Variants in NLK observed in about 807,000 individuals in gnomAD.
NLK encodes the protein serine/threonine-protein kinase NLK.
A neutral mutation model predicts 59.0 loss-of-function variants in NLK; 11 were observed. The ratio of observed to expected loss-of-function variants is 0.19; its 90% CI spans 0.12 to 0.31. The LOEUF (loss-of-function observed/expected upper bound fraction) is 0.31, where lower values mean the gene tolerates loss of function less well. Among genes scored for constraint, NLK ranks in the 10% least tolerant of loss-of-function variants. The pLI, the probability that NLK is intolerant of heterozygous loss-of-function variation, is 1.00. For synonymous variants in NLK, 235 were observed against 235.9 expected (o/e 1.00, Z 0.03); for missense variants, 410 against 661.1 (o/e 0.62, Z 4.16).
intron 7 of NLK, among the ~76,000 whole-genome samples, chr17:28,179,360 A>G (rs941056103): frequency 6.6e-6 from 1 of 152,002 alleles, no homozygotes; most frequent in South Asian, 2.1e-4. Context: ...CTCTCGAATA[A>G]CTGGGACTAC....
intron 1 of NLK, among the ~76,000 whole-genome samples, chr17:28,059,467 T>G (rs1909555139): frequency 6.6e-6 from 1 of 152,200 alleles, no homozygotes; most frequent in Admixed American, 6.5e-5. Flanking sequence ...AATACCCTTT[T>G]CTTTGCAGTA....
chr17:28,162,927 A>AAAAG (rs532768632), intron 4 of NLK, among the ~76,000 whole-genome samples: 2,518 of 151,918 alleles, frequency 0.017, 81 homozygotes, highest in African/African-American at 0.058. Flanking sequence ...TCAAAAAAAA[A>AAAAG]AAAGAAAAGA....
At chr17:28,062,418 T>C in intron 1 of NLK, among the ~76,000 whole-genome samples, 1 of 152,248 alleles carries the variant, frequency 6.6e-6, no homozygotes, top group East Asian at 1.9e-4. Context: ...AAAATGACTG[T>C]ATAGATTTTT....
chr17:28,090,006 C>G (rs1465893631), intron 1 of NLK, among the ~76,000 whole-genome samples: 3 of 152,060 alleles, frequency 2.0e-5, no homozygotes, highest in Non-Finnish European at 4.4e-5. Flanking sequence ...GTCTTTGTAA[C>G]AGTGTCTTTT....
rs1214691897 is a variant in NLK, at chr17:28,153,572, T to C, written c.645-7588T>C. Among the ~76,000 whole-genome samples, 3 of 152,240 alleles carry C rather than the reference T, an allele frequency of 2.0e-5. No individual in the cohort carries two copies. The East Asian group carries it at 5.8e-4, about 29-fold the overall frequency. On this transcript the variant is annotated intron_variant, in intron 3 of 10. Coordinates refer to ENST00000407008, the MANE Select transcript of NLK (RefSeq NM_016231.5). ...AAAGGTCCCACCTCTTAATCACATCTATTTGGGGGTTAGCATTTCAACCTA... is the reference window on the plus strand; with the variant it reads ...AAAGGTCCCACCTCTTAATCACATCCATTTGGGGGTTAGCATTTCAACCTA...
chr17:28,108,342 T>C (rs1025724846), intron 1 of NLK, among the ~76,000 whole-genome samples: 1 of 152,174 alleles, frequency 6.6e-6, no homozygotes, highest in Non-Finnish European at 1.5e-5. Flanking sequence ...AGTAAAGGCA[T>C]CTTCTGTTAA....
chr17:28,166,218 AT>A (rs1240369155), intron 5 of NLK, among the ~76,000 whole-genome samples: 3 of 150,532 alleles, frequency 2.0e-5, no homozygotes, highest in African/African-American at 7.3e-5. Flanking sequence ...GTCTCAAAAA[AT>A]ATATATATAT....
intron 3 of NLK, among the ~76,000 whole-genome samples, chr17:28,160,351 G>T (rs1034448899): frequency 6.6e-6 from 1 of 152,142 alleles, no homozygotes; most frequent in Non-Finnish European, 1.5e-5. Context: ...TTTCCTACTT[G>T]TTTTTGCTAA....
chr17:28,080,367 C>T (rs1032269357), intron 1 of NLK, among the ~76,000 whole-genome samples: 1 of 152,048 alleles, frequency 6.6e-6, no homozygotes, highest in Non-Finnish European at 1.5e-5. Context: ...ATTGCTTGAG[C>T]CCAGGAGTTC....
intron 3 of NLK, among the ~76,000 whole-genome samples, chr17:28,144,849 G>A (rs1907174681): frequency 6.6e-6 from 1 of 152,116 alleles, no homozygotes; most frequent in South Asian, 2.1e-4. Context: ...AATCAGTGGG[G>A]CTTTTAGGCA....
intron 1 of NLK, among the ~76,000 whole-genome samples, chr17:28,107,388 C>A (rs939882981): frequency 1.3e-5 from 2 of 151,594 alleles, no homozygotes; most frequent in African/African-American, 4.8e-5. Flanking sequence ...TGAGCCAAGA[C>A]CACACCATTG....
chr17:28,051,550 G>A (rs1276966046), intron 1 of NLK, among the ~76,000 whole-genome samples: 5 of 151,694 alleles, frequency 3.3e-5, no homozygotes, highest in Non-Finnish European at 7.4e-5. Flanking sequence ...GTAGAGACGG[G>A]GTTTCACCAT....
At chr17:28,104,756 G>C (rs1451839225) in intron 1 of NLK, among the ~76,000 whole-genome samples, 3 of 152,142 alleles carry the variant, frequency 2.0e-5, no homozygotes, top group Admixed American at 1.3e-4. Flanking sequence ...TTTGGTAAAA[G>C]GGGATAATAA....
At chr17:28,059,860 C>T (rs991187433) in intron 1 of NLK, among the ~76,000 whole-genome samples, 7 of 152,180 alleles carry the variant, frequency 4.6e-5, no homozygotes, top group East Asian at 1.9e-4. Context: ...TGCACTAGCA[C>T]GCCCTTATAT....
At position 28,051,483 on chromosome 17, in the gene NLK, C is replaced by G. The variant is rs576782464; in HGVS notation, c.458+8152C>G. ...AAGGGATTCTCCTGCCTCAGCCTCCCGAGTAGCTGGGATTACAGGCACGTG... is the reference window on the plus strand; with the variant it reads ...AAGGGATTCTCCTGCCTCAGCCTCCGGAGTAGCTGGGATTACAGGCACGTG... On this transcript the variant is annotated intron_variant, in intron 1 of 10. Transcript: ENST00000407008. Among the ~76,000 whole-genome samples, 12 of 151,706 alleles carry G rather than the reference C, an allele frequency of 7.9e-5. 1 individual carries two copies. The highest frequency in any genetic ancestry group is 3.9e-4 in the Admixed American group (6 of 15,234).
At chr17:28,111,109 G>A (rs1905455530) in intron 1 of NLK, among the ~76,000 whole-genome samples, 1 of 152,098 alleles carries the variant, frequency 6.6e-6, no homozygotes. Flanking sequence ...AATTCTTTGA[G>A]CATATTTACG....
At chr17:28,131,966 A>G (rs916286192) in intron 2 of NLK, among the ~76,000 whole-genome samples, 1 of 152,090 alleles carries the variant, frequency 6.6e-6, no homozygotes, top group African/African-American at 2.4e-5. Flanking sequence ...TCTATATTCA[A>G]TAAGCACTGG....
chr17:28,115,514 T>C (rs1456255382), intron 1 of NLK, among the ~76,000 whole-genome samples: 1 of 152,246 alleles, frequency 6.6e-6, no homozygotes, highest in Non-Finnish European at 1.5e-5. Context: ...CATCTGTCTT[T>C]GTACCAATAT....
intron 1 of NLK, among the ~76,000 whole-genome samples, chr17:28,113,092 A>C (rs1261449795): frequency 6.6e-6 from 1 of 152,206 alleles, no homozygotes; most frequent in Non-Finnish European, 1.5e-5. Context: ...TTTAAGCTAA[A>C]ATTTTTTGTG....
Sources: allele counts gnomAD v4.1 joint callset (sites outside exome capture counted in the v4.1 genomes callset), GRCh38; gene constraint gnomAD v4.1.1; transcripts MANE v1.5; gene names NCBI Gene and HGNC (gene_info 2026-07-23, HGNC 2026-07-21).